The following BLTP1 variants were observed in gnomAD, a reference collection of about 807,000 sequenced individuals.
BLTP1 encodes the protein bridge-like lipid transfer protein family member 1.
At chr4:122,178,999 C>T in the BLTP1 span, among the ~76,000 whole-genome samples, 1 of 152,146 alleles carries the variant, frequency 6.6e-6, no homozygotes, top group Non-Finnish European at 1.5e-5. Flanking sequence ...CCTTTTGAGG[C>T]AAGGCATGTT....
chr4:122,249,310 C>G, the BLTP1 span: 6 of 704,876 alleles, frequency 8.5e-6, no homozygotes, highest in Non-Finnish European at 8.7e-6. Context: ...TTCTTTTCTT[C>G]CTCTTAGGCA....
chr4:122,215,881 C>A, the BLTP1 span, among the ~76,000 whole-genome samples: 1 of 151,692 alleles, frequency 6.6e-6, no homozygotes, highest in Non-Finnish European at 1.5e-5. Flanking sequence ...TTATATCATT[C>A]TTATGCCTTT....
chr4:122,330,101 A>G, the BLTP1 span, among the ~76,000 whole-genome samples: 1 of 151,724 alleles, frequency 6.6e-6, no homozygotes, highest in Non-Finnish European at 1.5e-5. Context: ...GTATGTATGC[A>G]CCACATTTTT....
chr4:122,187,234 A>G, the BLTP1 span: 1 of 980,014 alleles, frequency 1.0e-6, no homozygotes, highest in Non-Finnish European at 1.2e-6. Context: ...AGTTGATATG[A>G]TAAGAGTGCT....
chr4:122,349,124 CTA>C, the BLTP1 span: 3 of 1,556,578 alleles, frequency 1.9e-6, no homozygotes, highest in Non-Finnish European at 2.6e-6. The surrounding 1 kb of genome is among the most constrained non-coding windows in gnomAD (Gnocchi z 4.5). Context: ...ACACTGGAAG[CTA>C]TATATATAAT....
At chr4:122,340,466 C>A in the BLTP1 span, among the ~76,000 whole-genome samples, 1 of 152,110 alleles carries the variant, frequency 6.6e-6, no homozygotes, top group Non-Finnish European at 1.5e-5. Context: ...TTCTAACAAT[C>A]TCATCAAGCA....
At chr4:122,339,715 G>A in the BLTP1 span, among the ~76,000 whole-genome samples, 1 of 152,102 alleles carries the variant, frequency 6.6e-6, no homozygotes, top group Non-Finnish European at 1.5e-5. Flanking sequence ...ACATGTTCAA[G>A]TACTTTTGAA....
the BLTP1 span, chr4:122,281,692 T>C: frequency 1.1e-5 from 18 of 1,612,704 alleles, no homozygotes; most frequent in East Asian, 4.5e-5. Flanking sequence ...CCATGTTAGA[T>C]GGTATAGCCA....
the BLTP1 span, chr4:122,315,310 C>G: frequency 9.8e-7 from 1 of 1,018,936 alleles, no homozygotes; most frequent in Admixed American, 2.4e-5. Context: ...GCACACTGTA[C>G]ACATAGAGAA....
the BLTP1 span, chr4:122,359,712 C>G: frequency 6.2e-7 from 1 of 1,608,392 alleles, no homozygotes; most frequent in Non-Finnish European, 8.5e-7. Context: ...GCATCTAGAA[C>G]CTACTCTTAG....
chr4:122,234,683 C>A, the BLTP1 span: 1 of 1,287,594 alleles, frequency 7.8e-7, no homozygotes, highest in Non-Finnish European at 1.1e-6. Flanking sequence ...TTACAATTAA[C>A]TTATATTTAA....
chr4:122,237,268 A>G, the BLTP1 span: 6 of 985,218 alleles, frequency 6.1e-6, no homozygotes, highest in African/African-American at 1.0e-4. Context: ...CTAGGCAGCT[A>G]TAGAATTCTC....
chr4:122,229,133 C>A, the BLTP1 span: 1 of 1,600,720 alleles, frequency 6.2e-7, no homozygotes, highest in African/African-American at 1.3e-5. Flanking sequence ...GAGTTGTATT[C>A]CTGGGCCTTG....
chr4:122,362,514 G>GC, the BLTP1 span: 1 of 201,576 alleles, frequency 5.0e-6, no homozygotes, highest in African/African-American at 2.3e-5. Flanking sequence ...TACAATTCCT[G>GC]CATCTTTAAA....
the BLTP1 span, chr4:122,243,212 C>A: frequency 1.0e-6 from 1 of 955,126 alleles, no homozygotes; most frequent in Non-Finnish European, 1.5e-6. Context: ...TTTTCTCTGC[C>A]ATGGCTTTGG....
At chr4:122,307,168 A>C in the BLTP1 span, among the ~76,000 whole-genome samples, 1 of 152,108 alleles carries the variant, frequency 6.6e-6, no homozygotes, top group East Asian at 1.9e-4. Context: ...ACCCAAGTTT[A>C]AACATGAAAT....
chr4:122,362,026 T>C, the BLTP1 span: 1 of 1,604,828 alleles, frequency 6.2e-7, no homozygotes, highest in Non-Finnish European at 8.5e-7. Context: ...TAATTTTTAT[T>C]TTAGATTAAT....
At chr4:122,243,460 G>T in the BLTP1 span, 1 of 984,254 alleles carries the variant, frequency 1.0e-6, no homozygotes, top group Non-Finnish European at 1.2e-6. Flanking sequence ...TCAAGTCCAG[G>T]CCAGGCATGG....
the BLTP1 span, chr4:122,349,538 C>T: frequency 6.2e-7 from 1 of 1,612,326 alleles, no homozygotes; most frequent in Non-Finnish European, 8.5e-7. This position sits in a 1 kb window ranked among gnomAD's most constrained non-coding sequence, Gnocchi z 4.5. Context: ...ATTACATGGG[C>T]TCAAGTATCC....
Sources: gnomAD v4.1 joint callset for allele counts (sites outside exome capture counted in the v4.1 genomes callset) on GRCh38, gnomAD v4.1.1 for gene constraint, Gnocchi (gnomAD v3.1) non-coding constraint, MANE v1.5 for transcripts, NCBI Gene and HGNC (gene_info 2026-07-23, HGNC 2026-07-21) for gene names.